LRMDA: variants seen among roughly 807,000 people sequenced by gnomAD.
LRMDA encodes the protein leucine-rich melanocyte differentiation-associated protein.
A neutral mutation model predicts 29.8 loss-of-function variants in LRMDA; 18 were observed. That is an observed-to-expected ratio of 0.60 (90% CI 0.42 to 0.90). The LOEUF is 0.90. Ranked by LOEUF, LRMDA falls within the 40% of genes least tolerant of loss-of-function variation. The probability of loss-of-function intolerance (pLI) is 0.00; values close to 1 mark genes in which losing one functional copy is unlikely to be tolerated. For missense variants in LRMDA, 273 were observed against 273.9 expected (o/e 1.00, Z 0.02); for synonymous variants, 125 against 109.4 (o/e 1.14, Z -0.89).
chr10:75,625,381 A>G (rs191186490), intron 2 of LRMDA, among the ~76,000 whole-genome samples: 18 of 152,300 alleles, frequency 1.2e-4, no homozygotes, highest in Non-Finnish European at 2.4e-4. Context: ...CACAGGATTC[A>G]AATCAAGGCC....
intron 2 of LRMDA, among the ~76,000 whole-genome samples, chr10:76,007,029 T>C (rs1373710575): frequency 9.9e-4 from 27 of 27,410 alleles, no homozygotes; most frequent in African/African-American, 2.1e-3. Context: ...TGTGTGTGTG[T>C]GTGCGCGTGT....
chr10:76,148,164 C>T lies in LRMDA; in HGVS notation c.516+89381C>T, dbSNP rs192134006. ...CACTTGAGGAGGCAGTCTGTCTGTTCTCAGATCTCAAGCTGCGTGCTGGGA... is the reference window on the plus strand; with the variant it reads ...CACTTGAGGAGGCAGTCTGTCTGTTTTCAGATCTCAAGCTGCGTGCTGGGA... On this transcript the variant is annotated intron_variant, in intron 5 of 6. Coordinates refer to ENST00000611255, the MANE Select transcript of LRMDA (RefSeq NM_001305581.2). 7.4e-3 allele frequency among the ~76,000 whole-genome samples: 1,120 copies of T among 152,314 alleles called. 8 individuals are homozygous for T. The highest frequency in any genetic ancestry group is 0.023 in the African/African-American group (969 of 41,558).
chr10:75,993,739 A>T lies in LRMDA; in HGVS notation c.132-42269A>T, dbSNP rs546331579. Reference sequence around the variant, plus strand: ...CAGAGCGAGACTTCATCTCAAAAAAAAAAAAAGAAACCATGACTCATTTAT... The same window carrying T: ...CAGAGCGAGACTTCATCTCAAAAAATAAAAAAGAAACCATGACTCATTTAT... On this transcript the variant is annotated intron_variant, in intron 2 of 6. Transcript: ENST00000611255. 6.6e-5 allele frequency among the ~76,000 whole-genome samples: 10 copies of T among 152,126 alleles called. 1 individual carries two copies. The South Asian group carries it at 2.1e-3, about 32-fold the overall frequency.
chr10:75,984,538 C>T (rs1847229675), intron 2 of LRMDA, among the ~76,000 whole-genome samples: 1 of 152,256 alleles, frequency 6.6e-6, no homozygotes, highest in African/African-American at 2.4e-5. Flanking sequence ...GGAAGAACAC[C>T]TCCTTCATGC....
intron 5 of LRMDA, among the ~76,000 whole-genome samples, chr10:76,097,920 T>C (rs1436545808): frequency 6.6e-6 from 1 of 152,188 alleles, no homozygotes; most frequent in Admixed American, 6.5e-5. Flanking sequence ...AGTGATCAGA[T>C]GAGGATAATT....
chr10:76,204,889 G>C (rs1447919298), intron 5 of LRMDA, among the ~76,000 whole-genome samples: 1 of 152,244 alleles, frequency 6.6e-6, no homozygotes, highest in Non-Finnish European at 1.5e-5. Flanking sequence ...AACATTATGA[G>C]AGATCCAGAA....
intron 5 of LRMDA, among the ~76,000 whole-genome samples, chr10:76,148,860 A>AT (rs1228512182): frequency 1.3e-5 from 2 of 152,048 alleles, no homozygotes; most frequent in African/African-American, 4.8e-5. Flanking sequence ...ACTGTTGCTT[A>AT]TTTTGAACAG....
In LRMDA at chr10:75,997,226, A is replaced by C. The variant is rs941597761; in HGVS notation, c.132-38782A>C. ...CATACTCCTTTCTGTATGTATTTGC[A>C]CAGATACCTGTAGATTAGATTTTTA... On this transcript the variant is annotated intron_variant, in intron 2 of 6. Coordinates refer to ENST00000611255, the MANE Select transcript of LRMDA (RefSeq NM_001305581.2). Among the ~76,000 whole-genome samples the C allele has an allele frequency of 3.9e-5, 6 of 152,144 alleles. No individual in the cohort carries two copies. In the East Asian group the frequency reaches 1.2e-3, roughly 29 times the overall value.
intron 2 of LRMDA, among the ~76,000 whole-genome samples, chr10:75,741,360 C>T (rs192640070): frequency 6.6e-6 from 1 of 152,178 alleles, no homozygotes; most frequent in Admixed American, 6.5e-5. Context: ...GCAACTCTCT[C>T]TCATGTTGAC....
intron 5 of LRMDA, among the ~76,000 whole-genome samples, chr10:76,185,053 G>T (rs1174160097): frequency 6.6e-6 from 1 of 152,084 alleles, no homozygotes; most frequent in Non-Finnish European, 1.5e-5. Flanking sequence ...TGGATTAAAT[G>T]GCCTCCTTTA....
At chr10:75,455,052 A>G (rs1295136284) in intron 2 of LRMDA, among the ~76,000 whole-genome samples, 1 of 152,198 alleles carries the variant, frequency 6.6e-6, no homozygotes, top group African/African-American at 2.4e-5. Flanking sequence ...GGATGCCAGT[A>G]GGGTTACAGT....
chr10:75,528,209 G>T (rs557173142), intron 2 of LRMDA, among the ~76,000 whole-genome samples: 1 of 152,280 alleles, frequency 6.6e-6, no homozygotes, highest in African/African-American at 2.4e-5. Flanking sequence ...CTGCGAGTTG[G>T]TAGCACAAGT....
chr10:75,856,696 G>A lies in LRMDA; in HGVS notation c.132-179312G>A, dbSNP rs944303947. ...GGGACATATCTCAAAATAATTAGAGGTGTCTATGACAAACCCACAGCCAAT... is the reference window on the plus strand; with the variant it reads ...GGGACATATCTCAAAATAATTAGAGATGTCTATGACAAACCCACAGCCAAT... On this transcript the variant is annotated intron_variant, in intron 2 of 6. Coordinates refer to ENST00000611255, the MANE Select transcript of LRMDA (RefSeq NM_001305581.2). Among the ~76,000 whole-genome samples the A allele has an allele frequency of 7.2e-5, 11 of 152,106 alleles. 1 individual carries two copies. Among genetic ancestry groups the A allele is most frequent in the Admixed American group, 7.2e-4 (11 of 15,258 alleles).
At chr10:75,862,171 C>G (rs1820531962) in intron 2 of LRMDA, among the ~76,000 whole-genome samples, 1 of 129,324 alleles carries the variant, frequency 7.7e-6, no homozygotes, top group African/African-American at 3.1e-5. Context: ...TAATCAAAAC[C>G]TTGGGTTCAC....
intron 6 of LRMDA, among the ~76,000 whole-genome samples, chr10:76,447,309 T>A (rs1241814364): frequency 2.0e-5 from 3 of 152,216 alleles, no homozygotes; most frequent in African/African-American, 7.2e-5. Flanking sequence ...TCTTTTACTT[T>A]AAGTATTTTT....
chr10:76,342,476 A>G (rs1363324878), intron 6 of LRMDA, among the ~76,000 whole-genome samples: 1 of 152,072 alleles, frequency 6.6e-6, no homozygotes, highest in Non-Finnish European at 1.5e-5. Flanking sequence ...TGACTCAAAA[A>G]CAATATCAGC....
chr10:76,244,480 G>T (rs1453031600), intron 5 of LRMDA, among the ~76,000 whole-genome samples: 1 of 152,148 alleles, frequency 6.6e-6, no homozygotes, highest in Admixed American at 6.6e-5. Context: ...TGGTGTTTTT[G>T]CGGCAGTTGG....
intron 6 of LRMDA, among the ~76,000 whole-genome samples, chr10:76,479,385 C>A (rs368289104): frequency 6.6e-6 from 1 of 151,912 alleles, no homozygotes; most frequent in African/African-American, 2.4e-5. Flanking sequence ...TGTGCAGTCA[C>A]ACCCCACGCC....
chr10:75,555,100 G>A (rs367731746), intron 2 of LRMDA, among the ~76,000 whole-genome samples: 2 of 152,242 alleles, frequency 1.3e-5, no homozygotes, highest in East Asian at 1.9e-4. Context: ...TGATGGGGAG[G>A]AGTTTGGTGG....
Sources: gnomAD v4.1 joint callset for allele counts (sites outside exome capture counted in the v4.1 genomes callset) on GRCh38, gnomAD v4.1.1 for gene constraint, MANE v1.5 for transcripts, NCBI Gene and HGNC (gene_info 2026-07-23, HGNC 2026-07-21) for gene names.